TDRD9: variants seen among roughly 807,000 people sequenced by gnomAD.
TDRD9 encodes tudor domain containing 9.
In TDRD9, 124 loss-of-function variants were observed where a neutral mutation model predicts 172.6. The ratio of observed to expected loss-of-function variants is 0.72; its 90% CI spans 0.62 to 0.83. The LOEUF (loss-of-function observed/expected upper bound fraction) is 0.83. TDRD9 is among the 40% of genes least tolerant of loss of function. The pLI, the probability that TDRD9 is intolerant of heterozygous loss-of-function variation, is 0.00. For synonymous variants in TDRD9, 619 were observed against 617.1 expected (o/e 1.00, Z -0.05); for missense variants, 1,479 against 1,714.1 (o/e 0.86, Z 2.42).
At chr14:103,998,563 A>T in intron 12 of TDRD9, 61 bp from the exon 13 acceptor site, 1 of 927,654 alleles carries the variant, frequency 1.1e-6, no homozygotes, top group Non-Finnish European at 1.8e-6. Context: ...ATGCATTGTG[A>T]TTTATTATGC....
At chr14:103,989,350 C>G (rs1400298522) in intron 8 of TDRD9, among the ~76,000 whole-genome samples, 1 of 152,170 alleles carries the variant, frequency 6.6e-6, no homozygotes, top group Non-Finnish European at 1.5e-5. Flanking sequence ...AATAATTGAG[C>G]CTTTAATAGG....
chr14:103,961,847 G>A (rs2032527445), intron 2 of TDRD9, among the ~76,000 whole-genome samples: 2 of 152,180 alleles, frequency 1.3e-5, no homozygotes, highest in African/African-American at 4.8e-5. Context: ...AGGAAAACAA[G>A]AGAGAAGCCT....
chr14:103,951,965 T>G (rs2031896963), intron 1 of TDRD9, among the ~76,000 whole-genome samples: 1 of 150,798 alleles, frequency 6.6e-6, no homozygotes, highest in East Asian at 2.0e-4. Context: ...AGACGGGGTT[T>G]CACCTTATTA....
chr14:103,993,489 C>T (rs562408498), intron 9 of TDRD9, among the ~76,000 whole-genome samples: 2 of 152,272 alleles, frequency 1.3e-5, no homozygotes, highest in South Asian at 2.1e-4. Context: ...AAGCTAAATG[C>T]CTTAAAAGAA....
At position 104,008,396 on chromosome 14, in the gene TDRD9, C is replaced by G. The variant is rs1397655436; in HGVS notation, c.2053-17C>G. ...TATTACCTTAATATTGAGTATTCTG[C>G]TTTTATATATTTAAAGGATGAACTT... On this transcript the variant is annotated splice_polypyrimidine_tract_variant and intron_variant, in intron 19 of 35. Coordinates refer to ENST00000409874, the MANE Select transcript of TDRD9 (RefSeq NM_153046.3). 2.9e-6 allele frequency: 4 copies of G among 1,388,030 alleles called. No homozygotes were observed. The highest frequency in any genetic ancestry group is 4.1e-6 in the Non-Finnish European group (4 of 979,996). The allele number at this position is 1,388,030 out of a possible 1,614,324, so 86.0% of individuals were successfully genotyped here. A position where few individuals can be genotyped will look rare whatever the true frequency, so the allele number is the denominator to read the frequency against.
intron 7 of TDRD9, among the ~76,000 whole-genome samples, chr14:103,983,021 A>G (rs1440673307): frequency 6.7e-6 from 1 of 149,744 alleles, no homozygotes; most frequent in Non-Finnish European, 1.5e-5. Context: ...GTAGTAGAGC[A>G]TGCCCCCCGC....
rs373013784 is a variant in TDRD9, at chr14:103,986,263, A to G, written c.1058A>G (p.Tyr353Cys). 9 of 1,613,414 alleles carry G rather than the reference A, an allele frequency of 5.6e-6. No homozygotes were observed. Among genetic ancestry groups the G allele is most frequent in the African/African-American group, 4.0e-5 (3 of 74,906 alleles). Reference protein sequence around the residue: ...LEEPVITKDIYEVAVSLIQMF... With the variant: ...LEEPVITKDICEVAVSLIQMF... ...GAACCGGTGATAACTAAGGATATAT[A>G]TGAAGTTGCTGTCTCTCTCATTCAG... The change falls in exon 8 of 36, where the codon TAT becomes TGT. Residue 353 changes from tyrosine to cysteine, a missense_variant. By Grantham distance (194) the Tyr-to-Cys change is radical. This residue lies in a region of TDRD9 where 1,413 missense variants were observed against 1,649.1 expected (regional missense o/e 0.86). Transcript: ENST00000409874.
chr14:103,945,116 T>G (rs547287637), intron 1 of TDRD9, among the ~76,000 whole-genome samples: 15 of 152,344 alleles, frequency 9.8e-5, no homozygotes, highest in African/African-American at 3.6e-4. Context: ...TTAATATACT[T>G]GGAACACTTC....
At chr14:103,947,514 G>C (rs2031634461) in intron 1 of TDRD9, among the ~76,000 whole-genome samples, 1 of 151,940 alleles carries the variant, frequency 6.6e-6, no homozygotes. Flanking sequence ...ATTTTTAGTA[G>C]AGATGGGGTT....
chr14:104,012,453 T>A (rs549769088), intron 20 of TDRD9, among the ~76,000 whole-genome samples: 28 of 152,162 alleles, frequency 1.8e-4, no homozygotes, highest in African/African-American at 6.3e-4. Flanking sequence ...GTTTCATTTG[T>A]CAGTTTTCTT....
Position 104,024,632 on chromosome 14 carries a change from C to G in TDRD9, c.2670C>G (p.Asp890Glu). 4 of 1,613,122 alleles carry G rather than the reference C, an allele frequency of 2.5e-6. No individual in the cohort carries two copies. Among genetic ancestry groups the G allele is most frequent in the Non-Finnish European group, 3.4e-6 (4 of 1,179,356 alleles). Residue 890 changes from aspartate to glutamate, a missense_variant, in exon 25 of 36, where the codon GAC becomes GAG. Asp to Glu is a conservative substitution (Grantham distance 45). Transcript: ENST00000409874. ...TGCAAGTCTCCTTTAACACATCAGA[C>G]AGGTCCCAGACAGTTACAGATCTCC... is the stretch of plus-strand genomic sequence containing the variant. Reference protein sequence around the residue: ...DPMQVSFNTSDRSQTVTDLLL... With the variant: ...DPMQVSFNTSERSQTVTDLLL...
At chr14:104,014,572 T>C (rs557203251) in intron 20 of TDRD9, among the ~76,000 whole-genome samples, 153 bp from the exon 21 acceptor site, 1 of 152,290 alleles carries the variant, frequency 6.6e-6, no homozygotes, top group East Asian at 1.9e-4. Context: ...TGAGTCACCG[T>C]GCACAGCCAA....
At chr14:103,950,707 C>T (rs769718127) in intron 1 of TDRD9, among the ~76,000 whole-genome samples, 2 of 152,158 alleles carry the variant, frequency 1.3e-5, no homozygotes, top group Non-Finnish European at 2.9e-5. Flanking sequence ...ATTTGCTCAT[C>T]AAACGCTTAG....
intron 12 of TDRD9, 51 bp from the exon 13 acceptor site, chr14:103,998,573 C>CA (rs1286849964): frequency 3.8e-5 from 37 of 964,368 alleles, no homozygotes; most frequent in Admixed American, 1.3e-4. Flanking sequence ...ATTTATTATG[C>CA]AATGATCTCT....
chr14:104,014,904 C>A, intron 21 of TDRD9, 63 bp downstream of exon 21: 4 of 949,508 alleles, frequency 4.2e-6, no homozygotes, highest in South Asian at 3.0e-5. Flanking sequence ...GTCTTGTGGT[C>A]GAGAAACTGC....
At chr14:103,959,450 G>T (rs1279116838) in intron 2 of TDRD9, among the ~76,000 whole-genome samples, 1 of 130,732 alleles carries the variant, frequency 7.6e-6, no homozygotes, top group African/African-American at 2.8e-5. Context: ...GTAAGGTCAG[G>T]TTATCGTGTG....
chr14:103,963,016 C>T (rs1291733464), intron 2 of TDRD9, 63 bp from the exon 3 acceptor site: 1 of 858,524 alleles, frequency 1.2e-6, no homozygotes. Context: ...TAGATTAGAA[C>T]ATTGAGTTAT....
At chr14:103,999,643 A>ACATTTAATCTTTTAATCTTCCTC (rs1566771643) in intron 13 of TDRD9, among the ~76,000 whole-genome samples, 2 of 130,466 alleles carry the variant, frequency 1.5e-5, no homozygotes, top group African/African-American at 3.0e-5. Context: ...TGTTTTTTAG[A>ACATTTAATCTTTTAATCTTCCTC]AAACCTTTTG....
rs114051858 is a variant in TDRD9 at position 103,988,840 on chromosome 14, C to T, written c.1116-2320C>T. ...TGTGAGTAGCTGGGACTTAGAGGTG[C>T]GTGCCACCACACCCTGCTGATTTTT... On this transcript the variant is annotated intron_variant, in intron 8 of 35. Transcript: ENST00000409874. Among the ~76,000 whole-genome samples the T allele has an allele frequency of 2.2e-3, 331 of 151,986 alleles. 2 individuals carry two copies. The highest frequency in any genetic ancestry group is 7.7e-3 in the African/African-American group (318 of 41,442).
Sources: gnomAD v4.1 joint callset for allele counts (sites outside exome capture counted in the v4.1 genomes callset) on GRCh38, gnomAD v4.1.1 for gene constraint, gnomAD v4.1.1 regional missense constraint, MANE v1.5 for transcripts, NCBI Gene and HGNC (gene_info 2026-07-23, HGNC 2026-07-21) for gene names.